Variants in RBM12B observed in about 807,000 individuals in gnomAD.
The protein encoded by RBM12B is RNA binding motif protein 12B.
A neutral mutation model predicts 34.3 loss-of-function variants in RBM12B; 10 were observed. The observed-to-expected ratio is 0.29, with a 90% CI of 0.18 to 0.49. RBM12B has a LOEUF of 0.49. Ranked by LOEUF, RBM12B falls within the 20% of genes least tolerant of loss-of-function variation. The pLI, the probability that RBM12B is intolerant of heterozygous loss-of-function variation, is 0.99. For missense variants in RBM12B, 1,139 were observed against 1,262.7 expected (o/e 0.90, Z 1.48); for synonymous variants, 477 against 437.1 (o/e 1.09, Z -1.14).
Position 93,733,319 on chromosome 8 carries a change from TAA to T in RBM12B, c.*84_*85del. On this transcript the variant is annotated 3_prime_UTR_variant, in exon 4 of 4. Transcript: ENST00000520560. Reference sequence around the variant, plus strand: ...AAATAAAATATTTCATTAGATAATTTAAAAAAAAAACACTTTTTTAAAACAAA... The same window carrying T: ...AAATAAAATATTTCATTAGATAATTTAAAAAAAACACTTTTTTAAAACAAA... The T allele has an allele frequency of 1.4e-5, 14 of 979,052 alleles. No individual in the cohort carries two copies. The highest frequency in any genetic ancestry group is 1.8e-5 in the Non-Finnish European group (13 of 724,162). The allele number at this position is 979,052 out of a possible 1,614,324, so 60.6% of individuals were successfully genotyped here. A position where few individuals can be genotyped will look rare whatever the true frequency, so the allele number is the denominator to read the frequency against.
At position 93,733,843 on chromosome 8, in the gene RBM12B, C is replaced by T; in HGVS notation, c.2568G>A (p.Glu856=). 1 of 1,614,144 alleles carries T rather than the reference C, an allele frequency of 6.2e-7. No individual in the cohort carries two copies. Among genetic ancestry groups the T allele is most frequent in the South Asian group, 1.1e-5 (1 of 91,088 alleles). Residue 856 remains glutamate, a synonymous_variant, in exon 4 of 4, where the codon GAG becomes GAA. Coordinates refer to ENST00000520560, the MANE Select transcript of RBM12B (RefSeq NM_001377960.1). The stretch of plus-strand genomic sequence containing the variant: ...AATTGTCAGGAAGTCTAGGGTCCTC[C>T]TCCGGAGCTTCCCTAAGGTCTTCCT... ...LPEEDLREAP[E]EDPRLPDNFR...
rs535724009 is a variant in RBM12B at position 93,734,423 on chromosome 8, G to A, written c.1988C>T (p.Pro663Leu). 1.2e-6 allele frequency: 2 copies of A among 1,612,626 alleles called. No individual in the cohort carries two copies. The highest frequency in any genetic ancestry group is 1.7e-5 in the Admixed American group (1 of 59,868). ...AGGTGGCCGCCTGAAATCTTCCTCTGGGAGCCACCTTAAGTCCTCCTCAGG... is the reference window on the plus strand; with the variant it reads ...AGGTGGCCGCCTGAAATCTTCCTCTAGGAGCCACCTTAAGTCCTCCTCAGG... ...QPPEEDLRWLPEEDFRRPPEE... is the reference protein window; with the variant it reads ...QPPEEDLRWLLEEDFRRPPEE... Residue 663 changes from proline (P) to leucine (L), a missense_variant, in exon 4 of 4, where the codon CCA (proline) becomes CTA (leucine). Physicochemically the swap from Pro to Leu is moderately conservative, Grantham distance 98. This residue lies in a region of RBM12B where 863 missense variants were observed against 869.5 expected (regional missense o/e 0.99). Coordinates refer to ENST00000520560, the MANE Select transcript of RBM12B (RefSeq NM_001377960.1).
At chr8:93,739,694 T>C (rs1812132877) in intron 2 of RBM12B, among the ~76,000 whole-genome samples, 1 of 152,240 alleles carries the variant, frequency 6.6e-6, no homozygotes. Flanking sequence ...TTTCTAGTTA[T>C]GAATGCAAAA....
Position 93,735,609 on chromosome 8 carries a change from A to C in RBM12B, c.802T>G (p.Ser268Ala). The C allele has an allele frequency of 6.2e-7, 1 of 1,614,000 alleles. No homozygotes were observed. Among genetic ancestry groups the C allele is most frequent in the Non-Finnish European group, 8.5e-7 (1 of 1,179,952 alleles). ...GINDRHFRKR[S>A]HSKSPRRTRS... ...GTTCTTCTGGGAGATTTTGAATGAG[A>C]CCGTTTTCGAAAATGTCTATCATTA... The change falls in exon 4 of 4, where the codon TCT (serine) becomes GCT (alanine). Residue 268 changes from serine to alanine, a missense_variant. Coordinates refer to ENST00000520560, the MANE Select transcript of RBM12B (RefSeq NM_001377960.1).
chr8:93,734,788 C>A lies in RBM12B; in HGVS notation c.1623G>T (p.Lys541Asn). 6.2e-7 allele frequency: 1 copy of A among 1,614,144 alleles called. No individual in the cohort carries two copies. The highest frequency in any genetic ancestry group is 8.5e-7 in the Non-Finnish European group (1 of 1,180,022). ...GCTGCCGGAAATCCCTCTGGGGATG[C>A]TTGAAGTTATCCAGTTGCCTCAAGT... ...LEDLRQLDNFKHPQRDFRQPD... is the reference protein window; with the variant it reads ...LEDLRQLDNFNHPQRDFRQPD... Residue 541 changes from lysine to asparagine, a missense_variant, in exon 4 of 4, where the codon AAG (lysine) becomes AAT (asparagine). By Grantham distance (94) the Lys-to-Asn change is moderately conservative. This residue lies in a region of RBM12B where 863 missense variants were observed against 869.5 expected (regional missense o/e 0.99). Transcript: ENST00000520560.
chr8:93,740,672 G>A lies in RBM12B; in HGVS notation c.-121C>T. Reference sequence around the variant, plus strand: ...TCTTCACTCTCAAGATCCCTGGGAAGCGCACATACACCACCACATGGAAGC... The same window carrying A: ...TCTTCACTCTCAAGATCCCTGGGAAACGCACATACACCACCACATGGAAGC... On this transcript the variant is annotated 5_prime_UTR_variant, in exon 2 of 4. Transcript: ENST00000520560. 1 of 374,540 alleles carries A rather than the reference G, an allele frequency of 2.7e-6. No homozygotes were observed. Among genetic ancestry groups the A allele is most frequent in the South Asian group, 2.0e-5 (1 of 49,618 alleles). 23.2% of individuals were successfully genotyped at this position (374,540 alleles called of 1,614,324 possible).
chr8:93,736,877 A>G (rs997703413), intron 3 of RBM12B, among the ~76,000 whole-genome samples: 1 of 152,240 alleles, frequency 6.6e-6, no homozygotes, highest in Non-Finnish European at 1.5e-5. Flanking sequence ...ATTTCTGCTC[A>G]TGATAATAAA....
chr8:93,728,465 T>C lies in RBM12B; in HGVS notation c.*4940A>G, dbSNP rs1586303337. 1.6e-5 allele frequency: 8 copies of C among 492,022 alleles called. No individual in the cohort carries two copies. Among genetic ancestry groups the C allele is most frequent in the South Asian group, 1.5e-4 (4 of 27,352 alleles). 30.5% of individuals were successfully genotyped at this position (492,022 alleles called of 1,614,324 possible). A position where few individuals can be genotyped will look rare whatever the true frequency, so the allele number is the denominator to read the frequency against. ...CCAAAAATGAAGGCTTTAAAAAATA[T>C]TGCATACCAGTCATTTCAACATCCT... is the stretch of plus-strand genomic sequence containing the variant. On this transcript the variant is annotated 3_prime_UTR_variant, in exon 4 of 4. Transcript: ENST00000520560.
chr8:93,737,237 A>G (rs1255185953), intron 3 of RBM12B, 70 bp downstream of exon 3: 3 of 152,198 alleles, frequency 2.0e-5, no homozygotes, highest in African/African-American at 7.2e-5. Context: ...AGCCATGGAT[A>G]CCTAGATGTA....
At position 93,735,188 on chromosome 8, in the gene RBM12B, G is replaced by A. The variant is rs1318841463; in HGVS notation, c.1223C>T (p.Pro408Leu). The A allele has an allele frequency of 6.2e-7, 1 of 1,614,054 alleles. No homozygotes were observed. The highest frequency in any genetic ancestry group is 1.1e-5 in the South Asian group (1 of 91,082). ...CACTTCAACTTTTGTAACATCAAAT[G>A]GAAAATTTCTTATATAGATGCACAG... ...QKLCIYIRNF[P>L]FDVTKVEVQK... Residue 408 changes from proline (P) to leucine (L), a missense_variant, in exon 4 of 4, where the codon CCA becomes CTA. Pro to Leu is a moderately conservative substitution (Grantham distance 98). Coordinates refer to ENST00000520560, the MANE Select transcript of RBM12B (RefSeq NM_001377960.1).
At position 93,734,424 on chromosome 8, in the gene RBM12B, G is replaced by A. The variant is rs373202459; in HGVS notation, c.1987C>T (p.Pro663Ser). 5 of 1,612,366 alleles carry A rather than the reference G, an allele frequency of 3.1e-6. No homozygotes were observed. In the African/African-American group the frequency reaches 6.7e-5, roughly 22 times the overall value. Reference sequence around the variant, plus strand: ...GGTGGCCGCCTGAAATCTTCCTCTGGGAGCCACCTTAAGTCCTCCTCAGGG... The same window carrying A: ...GGTGGCCGCCTGAAATCTTCCTCTGAGAGCCACCTTAAGTCCTCCTCAGGG... ...QPPEEDLRWL[P>S]EEDFRRPPEE... Residue 663 changes from proline (P) to serine (S), a missense_variant, in exon 4 of 4, where the codon CCA becomes TCA. Physicochemically the swap from Pro to Ser is moderately conservative, Grantham distance 74. Around this residue, in one of 3 missense-constraint regions of RBM12B, gnomAD observed 863 missense variants for 869.5 expected, o/e 0.99. Coordinates refer to ENST00000520560, the MANE Select transcript of RBM12B (RefSeq NM_001377960.1).
rs758134376 is a variant in RBM12B at position 93,733,846 on chromosome 8, C to T, written c.2565G>A (p.Pro855=). ...QLPEEDLREA[P]EEDPRLPDNF... is the part of the protein sequence containing the mutation. The stretch of plus-strand genomic sequence containing the variant: ...TGTCAGGAAGTCTAGGGTCCTCCTC[C>T]GGAGCTTCCCTAAGGTCTTCCTCTG... The change falls in exon 4 of 4, where the codon CCG becomes CCA. Residue 855 remains proline, a synonymous_variant. Coordinates refer to ENST00000520560, the MANE Select transcript of RBM12B (RefSeq NM_001377960.1). 16 of 1,613,972 alleles carry T rather than the reference C, an allele frequency of 9.9e-6. No individual in the cohort carries two copies. The highest frequency in any genetic ancestry group is 1.3e-5 in the Non-Finnish European group (15 of 1,180,010).
At position 93,729,578 on chromosome 8, in the gene RBM12B, C is replaced by T. The variant is rs1305427393; in HGVS notation, c.*3827G>A. On this transcript the variant is annotated 3_prime_UTR_variant, in exon 4 of 4. Coordinates refer to ENST00000520560, the MANE Select transcript of RBM12B (RefSeq NM_001377960.1). Reference sequence around the variant, plus strand: ...TGGAATAAAACATACATTCTGCCTACCTCAAAGAAATATTCTAAGAACAAA... The same window carrying T: ...TGGAATAAAACATACATTCTGCCTATCTCAAAGAAATATTCTAAGAACAAA... 1 of 152,118 alleles carries T rather than the reference C, an allele frequency of 6.6e-6. No individual in the cohort carries two copies. The highest frequency in any genetic ancestry group is 1.5e-5 in the Non-Finnish European group (1 of 68,002). The allele number at this position is 152,118 out of a possible 1,614,324, so 9.4% of individuals were successfully genotyped here.
chr8:93,736,457 AC>A lies in RBM12B; in HGVS notation c.-28-20del. The stretch of plus-strand genomic sequence containing the variant: ...TAATGACCTGCAGACAAAAAGGTAC[AC>A]ATAATAGCAAGTCTTATTTTTGAAG... On this transcript the variant is annotated intron_variant, in intron 3 of 3. Transcript: ENST00000520560. 6.7e-7 allele frequency: 1 copy of A among 1,493,554 alleles called. No individual in the cohort carries two copies. The highest frequency in any genetic ancestry group is 1.4e-5 in the South Asian group (1 of 70,682). 92.5% of individuals were successfully genotyped at this position (1,493,554 alleles called of 1,614,324 possible). A position where few individuals can be genotyped will look rare whatever the true frequency, so the allele number is the denominator to read the frequency against.
chr8:93,736,181 G>A lies in RBM12B; in HGVS notation c.230C>T (p.Ala77Val). ...SSVELFLSSKAEMQKTIEMKR... is the reference protein window; with the variant it reads ...SSVELFLSSKVEMQKTIEMKR... ...CATTTCTATAGTCTTCTGCATTTCTGCCTTGCTACTAAGAAAGAGCTCTAC... is the reference window on the plus strand; with the variant it reads ...CATTTCTATAGTCTTCTGCATTTCTACCTTGCTACTAAGAAAGAGCTCTAC... The change falls in exon 4 of 4, where the codon GCA (alanine) becomes GTA (valine). Residue 77 changes from alanine to valine, a missense_variant. Transcript: ENST00000520560. 6.2e-7 allele frequency: 1 copy of A among 1,614,092 alleles called. No homozygotes were observed. Among genetic ancestry groups the A allele is most frequent in the South Asian group, 1.1e-5 (1 of 91,074 alleles).
chr8:93,734,380 C>T lies in RBM12B; in HGVS notation c.2031G>A (p.Arg677=), dbSNP rs1333761666. ...GCCGCCTAAAGTCCTCCTCTGGGGG[C>T]CGTCTCCAGTCCTCCTCAGGTGGCC... The part of the protein sequence containing the change: ...FRRPPEEDWR[R]PPEEDFRRPL... The change falls in exon 4 of 4, where the codon CGG becomes CGA. Residue 677 remains arginine (R), a synonymous_variant. Transcript: ENST00000520560. The T allele has an allele frequency of 6.2e-7, 1 of 1,612,056 alleles. No homozygotes were observed. Among genetic ancestry groups the T allele is most frequent in the Admixed American group, 1.7e-5 (1 of 59,874 alleles).
intron 2 of RBM12B, chr8:93,739,185 T>C (rs895753219): frequency 6.6e-6 from 1 of 152,190 alleles, no homozygotes; most frequent in Admixed American, 6.5e-5. Flanking sequence ...CCATAAGCTA[T>C]ACATATTCTT....
Position 93,730,711 on chromosome 8 carries a change from T to C in RBM12B, c.*2694A>G, listed in dbSNP as rs959399114. On this transcript the variant is annotated 3_prime_UTR_variant, in exon 4 of 4. Coordinates refer to ENST00000520560, the MANE Select transcript of RBM12B (RefSeq NM_001377960.1). ...CCATGGCCAATTTGTTATTGACATA[T>C]CACTAAAGGCAGAGTTGGAGAGAGA... 2.9e-5 allele frequency: 4 copies of C among 136,754 alleles called. No individual in the cohort carries two copies. Among genetic ancestry groups the C allele is most frequent in the African/African-American group, 1.0e-4 (4 of 38,754 alleles). The allele number at this position is 136,754 out of a possible 1,614,324, so 8.5% of individuals were successfully genotyped here. A position where few individuals can be genotyped will look rare whatever the true frequency, so the allele number is the denominator to read the frequency against.
chr8:93,728,959 A>G lies in RBM12B; in HGVS notation c.*4446T>C, dbSNP rs991485677. 1.3e-5 allele frequency: 2 copies of G among 152,102 alleles called. No individual in the cohort carries two copies. The highest frequency in any genetic ancestry group is 4.1e-4 in the South Asian group (2 of 4,834). The allele number at this position is 152,102 out of a possible 1,614,324, so 9.4% of individuals were successfully genotyped here. On this transcript the variant is annotated 3_prime_UTR_variant, in exon 4 of 4. Coordinates refer to ENST00000520560, the MANE Select transcript of RBM12B (RefSeq NM_001377960.1). ...ATGATACTGCAACTTTTGGAAGGCT[A>G]ATTTGGTGGAATGTTGCCTCATCAT...
Sources: allele counts gnomAD v4.1 joint callset (sites outside exome capture counted in the v4.1 genomes callset), GRCh38; gene constraint gnomAD v4.1.1; regional missense constraint gnomAD v4.1.1; transcripts MANE v1.5; gene names NCBI Gene and HGNC (gene_info 2026-07-23, HGNC 2026-07-21).